The following SOX13 variants were observed in gnomAD, a reference collection of about 807,000 sequenced individuals.
SOX13 encodes transcription factor SOX-13.
SOX13 carries 28 observed loss-of-function variants against 71.8 expected under a neutral mutation model. The ratio of observed to expected loss-of-function variants is 0.39; its 90% CI spans 0.29 to 0.53. SOX13 has a LOEUF of 0.53. Among genes scored for constraint, SOX13 ranks in the 20% least tolerant of loss-of-function variants. SOX13 has a pLI of 0.70. For synonymous variants in SOX13, 309 were observed against 317.8 expected, an observed-to-expected ratio of 0.97 and a Z score of 0.29; for missense variants, 627 against 810.3, an observed-to-expected ratio of 0.77 and a Z score of 2.75.
rs1655895437 is a variant in SOX13, at chr1:204,081,019, CTCCT to C, written c.-2+7309_-2+7312del. 6.7e-6 allele frequency among the ~76,000 whole-genome samples: 1 copy of C among 149,274 alleles called. No homozygotes were observed. The highest frequency in any genetic ancestry group is 2.0e-4 in the East Asian group (1 of 4,894). ...ATCCGCCTCCCAGGTTCAAGCAATTCTCCTGCCTCAGCCTCCTGAGTAGCTGGGA... is the reference window on the plus strand; with the variant it reads ...ATCCGCCTCCCAGGTTCAAGCAATTCGCCTCAGCCTCCTGAGTAGCTGGGA... On this transcript the variant is annotated intron_variant, in intron 1 of 13. Transcript: ENST00000367204. The surrounding 1 kb of genome is among the most constrained non-coding windows in gnomAD (Gnocchi z 4.3).
chr1:204,105,677 AT>A (rs1159104841), intron 1 of SOX13, among the ~76,000 whole-genome samples: 1 of 152,158 alleles, frequency 6.6e-6, no homozygotes, highest in Non-Finnish European at 1.5e-5. Flanking sequence ...AAGTGCTGGG[AT>A]TACAGATATG....
At chr1:204,085,557 T>C (rs1043000331) in intron 1 of SOX13, among the ~76,000 whole-genome samples, 10 of 152,010 alleles carry the variant, frequency 6.6e-5, no homozygotes, top group African/African-American at 2.2e-4. Context: ...GGAGAAATAA[T>C]GAACTCTTCT....
At chr1:204,121,176 C>T (rs1656795832) in intron 7 of SOX13, among the ~76,000 whole-genome samples, 1 of 152,050 alleles carries the variant, frequency 6.6e-6, no homozygotes, top group Non-Finnish European at 1.5e-5. Flanking sequence ...GATGGGGTTT[C>T]ACCATGTTGG....
chr1:204,085,326 T>C (rs1655993841), intron 1 of SOX13, among the ~76,000 whole-genome samples: 1 of 152,184 alleles, frequency 6.6e-6, no homozygotes, highest in African/African-American at 2.4e-5. Context: ...ATGGGGCTAT[T>C]GTGATGGTGA....
At chr1:204,103,910 T>G (rs1656407361) in intron 1 of SOX13, among the ~76,000 whole-genome samples, 1 of 152,204 alleles carries the variant, frequency 6.6e-6, no homozygotes, top group South Asian at 2.1e-4. Flanking sequence ...CACATCACAC[T>G]GGGAGCCTCA....
At chr1:204,082,566 T>A (rs546216827) in intron 1 of SOX13, among the ~76,000 whole-genome samples, 1 of 152,136 alleles carries the variant, frequency 6.6e-6, no homozygotes, top group East Asian at 1.9e-4. Context: ...ACCCCAGCCA[T>A]CCCCCTCGCC....
chr1:204,122,791 ATGCTGGGCTG>A, intron 9 of SOX13, 53 bp from the exon 10 acceptor site: 2 of 1,054,782 alleles, frequency 1.9e-6, no homozygotes, highest in Admixed American at 4.7e-5. Flanking sequence ...GTTTGGGCTC[ATGCTGGGCTG>A]ATGCCCTCAG....
rs1033151261 is a variant in SOX13 at position 204,073,506 on chromosome 1, G to A, written c.-207G>A. The A allele has an allele frequency of 2.0e-5, 3 of 151,690 alleles. No homozygotes were observed. Among genetic ancestry groups the A allele is most frequent in the African/African-American group, 7.2e-5 (3 of 41,392 alleles). The allele number at this position is 151,690 out of a possible 1,614,324, so 9.4% of individuals were successfully genotyped here. On this transcript the variant is annotated 5_prime_UTR_variant, in exon 1 of 14. Coordinates refer to ENST00000367204, the MANE Select transcript of SOX13 (RefSeq NM_005686.3). The surrounding 1 kb of genome is among the most constrained non-coding windows in gnomAD (Gnocchi z 6.8). The stretch of plus-strand genomic sequence containing the variant: ...CGGGCCCCGTGGGGCGCGGACCCAG[G>A]GTGGCCGTGGGTCCGCAGCGACTCC...
chr1:204,087,998 C>T (rs1039347417), intron 1 of SOX13, among the ~76,000 whole-genome samples: 1 of 152,198 alleles, frequency 6.6e-6, no homozygotes, highest in African/African-American at 2.4e-5. Context: ...GAACAAGTGA[C>T]AGCCCACACT....
Position 204,126,171 on chromosome 1 carries a change from G to A in SOX13, c.*37G>A. The A allele has an allele frequency of 6.2e-7, 1 of 1,600,040 alleles. No individual in the cohort carries two copies. Among genetic ancestry groups the A allele is most frequent in the Non-Finnish European group, 8.5e-7 (1 of 1,170,686 alleles). ...TGGGCCTGGCCCCTTCTCCTCTGGGGAAGACCTTGTCCCAACTCGATGGGC... is the reference window on the plus strand; with the variant it reads ...TGGGCCTGGCCCCTTCTCCTCTGGGAAAGACCTTGTCCCAACTCGATGGGC... On this transcript the variant is annotated 3_prime_UTR_variant, in exon 14 of 14. Transcript: ENST00000367204.
intron 1 of SOX13, among the ~76,000 whole-genome samples, chr1:204,074,597 C>T (rs978273716): frequency 3.3e-5 from 5 of 152,300 alleles, no homozygotes; most frequent in East Asian, 1.9e-4. Context: ...GGATCGCCCG[C>T]GGGATTCGCT....
rs1656920741 is a variant in SOX13, at chr1:204,126,225, T to A, written c.*91T>A. The A allele has an allele frequency of 8.7e-6, 12 of 1,381,348 alleles. No homozygotes were observed. The highest frequency in any genetic ancestry group is 1.9e-4 in the Middle Eastern group (1 of 5,168). 85.6% of individuals were successfully genotyped at this position (1,381,348 alleles called of 1,614,324 possible). ...GCCAGCCAACCTAAGACTATGTTGG[T>A]ACTTGGACTTGTTCGTGCCCCAGAG... On this transcript the variant is annotated 3_prime_UTR_variant, in exon 14 of 14. Transcript: ENST00000367204.
chr1:204,114,338 G>C lies in SOX13; in HGVS notation c.237G>C (p.Glu79Asp). The change falls in exon 3 of 14, where the codon GAG becomes GAC. Residue 79 changes from glutamate to aspartate, a missense_variant. Glu to Asp is a conservative substitution (Grantham distance 45). Coordinates refer to ENST00000367204, the MANE Select transcript of SOX13 (RefSeq NM_005686.3). ...TCTTGCAGGACTGTAGCTCTCCAGA[G>C]GGTAATGGGTCCCCAGAACCCAAGA... ...FRGSWDCSSP[E>D]GNGSPEPKRP... The C allele has an allele frequency of 6.2e-7, 1 of 1,607,378 alleles. No homozygotes were observed. Among genetic ancestry groups the C allele is most frequent in the East Asian group, 2.2e-5 (1 of 44,706 alleles).
At chr1:204,104,712 A>G (rs1656428208) in intron 1 of SOX13, among the ~76,000 whole-genome samples, 1 of 152,086 alleles carries the variant, frequency 6.6e-6, no homozygotes, top group Non-Finnish European at 1.5e-5. Flanking sequence ...CCCAGCGGGG[A>G]AGTGTAGCCA....
intron 1 of SOX13, among the ~76,000 whole-genome samples, chr1:204,082,489 A>C (rs921498661): frequency 2.0e-5 from 3 of 152,080 alleles, no homozygotes; most frequent in African/African-American, 4.8e-5. Context: ...CCTGGGGAGG[A>C]GCAGTAGTGG....
chr1:204,116,207 T>G lies in SOX13; in HGVS notation c.419-300T>G, dbSNP rs1203827407. The G allele has an allele frequency of 4.4e-6, 6 of 1,360,376 alleles. No individual in the cohort carries two copies. The East Asian group carries it at 2.4e-4, about 54-fold the overall frequency. 84.3% of individuals were successfully genotyped at this position (1,360,376 alleles called of 1,614,324 possible). On this transcript the variant is annotated intron_variant, in intron 4 of 13. Transcript: ENST00000367204. The stretch of plus-strand genomic sequence containing the variant: ...CCTGACCCTGTGTGGCGCTGAGCAC[T>G]CGAGGACATTGAAGAGGCCTGGGGC...
Position 204,123,843 on chromosome 1 carries a change from T to A in SOX13, c.1375+39T>A. On this transcript the variant is annotated intron_variant, in intron 12 of 13. Coordinates refer to ENST00000367204, the MANE Select transcript of SOX13 (RefSeq NM_005686.3). This position sits in a 1 kb window ranked among gnomAD's most constrained non-coding sequence, Gnocchi z 5.0. ...GCTGGGGCCATGGTTCAGTGTGACC[T>A]GGTTGCAGGAGCCAGCTGGGTCTAT... The A allele has an allele frequency of 1.2e-6, 2 of 1,608,980 alleles. No individual in the cohort carries two copies. Among genetic ancestry groups the A allele is most frequent in the Non-Finnish European group, 1.7e-6 (2 of 1,175,914 alleles).
chr1:204,112,888 C>G (rs1656615139), intron 1 of SOX13, 27 bp from the exon 2 acceptor site: 1 of 1,596,396 alleles, frequency 6.3e-7, no homozygotes, highest in Admixed American at 1.7e-5. Context: ...TGGGGACTCA[C>G]CTCAGCTCAC....
Position 204,123,581 on chromosome 1 carries a change from G to C in SOX13, c.1232-80G>C, listed in dbSNP as rs111873805. 2,083 of 1,487,792 alleles carry C rather than the reference G, an allele frequency of 1.4e-3. 20 individuals carry two copies. In the African/African-American group the frequency reaches 0.024, roughly 17 times the overall value. 92.2% of individuals were successfully genotyped at this position (1,487,792 alleles called of 1,614,324 possible). ...CTCAGTGCCTCCTGCTGGTCAAGTAGGGGACGTCTCTCTGCTGGCCCTGGG... is the reference window on the plus strand; with the variant it reads ...CTCAGTGCCTCCTGCTGGTCAAGTACGGGACGTCTCTCTGCTGGCCCTGGG... On this transcript the variant is annotated intron_variant, in intron 11 of 13. Transcript: ENST00000367204. The surrounding 1 kb of genome is among the most constrained non-coding windows in gnomAD (Gnocchi z 5.0).
Sources: allele counts gnomAD v4.1 joint callset (sites outside exome capture counted in the v4.1 genomes callset), GRCh38; gene constraint gnomAD v4.1.1; non-coding constraint Gnocchi (gnomAD v3.1); transcripts MANE v1.5; gene names NCBI Gene and HGNC (gene_info 2026-07-23, HGNC 2026-07-21).